Variants in CDON observed in about 807,000 individuals in gnomAD.
The protein encoded by CDON is cell adhesion associated, oncogene regulated.
Under a neutral mutation model 120.9 loss-of-function variants are expected in CDON, and 73 were observed. The ratio of observed to expected loss-of-function variants is 0.60; its 90% CI spans 0.50 to 0.73. The LOEUF (loss-of-function observed/expected upper bound fraction) is 0.73. CDON is among the 30% of genes least tolerant of loss of function. The pLI, the probability that CDON is intolerant of heterozygous loss-of-function variation, is 0.00. For missense variants in CDON, 1,470 were observed against 1,587.3 expected, an observed-to-expected ratio of 0.93 and a Z score of 1.26; for synonymous variants, 566 against 573.5, an observed-to-expected ratio of 0.99 and a Z score of 0.19.
intron 7 of CDON, among the ~76,000 whole-genome samples, chr11:126,011,389 A>G (rs1276436180): frequency 6.6e-6 from 1 of 152,186 alleles, no homozygotes; most frequent in African/African-American, 2.4e-5. Flanking sequence ...GACAAAACCA[A>G]CCAACAACTG....
intron 18 of CDON, among the ~76,000 whole-genome samples, chr11:125,971,248 T>G (rs1457281698): frequency 6.6e-6 from 1 of 151,956 alleles, no homozygotes; most frequent in East Asian, 1.9e-4. Flanking sequence ...CTGGGTGTGG[T>G]GGCGGGCACT....
At chr11:126,056,061 A>G (rs2134952254) in intron 1 of CDON, among the ~76,000 whole-genome samples, 1 of 152,304 alleles carries the variant, frequency 6.6e-6, no homozygotes, top group East Asian at 1.9e-4. Flanking sequence ...TATTTCATGG[A>G]ACCTCAGTCC....
chr11:126,051,217 C>T (rs1229593632), intron 1 of CDON, among the ~76,000 whole-genome samples: 2 of 152,166 alleles, frequency 1.3e-5, no homozygotes, highest in African/African-American at 2.4e-5. Context: ...TATTCACGTA[C>T]AGCTAAGGAA....
chr11:126,051,218 A>G (rs1948551069), intron 1 of CDON, among the ~76,000 whole-genome samples: 1 of 152,222 alleles, frequency 6.6e-6, no homozygotes, highest in Non-Finnish European at 1.5e-5. Context: ...ATTCACGTAC[A>G]GCTAAGGAAA....
rs762531926 is a variant in CDON at position 125,961,052 on chromosome 11, G to A, written c.3685C>T (p.Leu1229Phe). ...TEINIVSWNALILPPVPEGCA... is the reference protein window; with the variant it reads ...TEINIVSWNAFILPPVPEGCA... ...CCCTCGGGGACAGGTGGCAAAATAA[G>A]AGCATTCCAACTTACAATGTTGATC... The change falls in exon 20 of 20, where the codon CTT (leucine) becomes TTT (phenylalanine). Residue 1229 changes from leucine to phenylalanine, a missense_variant. Physicochemically the swap from Leu to Phe is conservative, Grantham distance 22 (BLOSUM62 0). Transcript: ENST00000531738. 2 of 1,613,984 alleles carry A rather than the reference G, an allele frequency of 1.2e-6. No individual in the cohort carries two copies. Among genetic ancestry groups the A allele is most frequent in the South Asian group, 1.1e-5 (1 of 90,996 alleles).
chr11:125,981,229 A>T lies in CDON; in HGVS notation c.3096T>A (p.Val1032=). 6.2e-7 allele frequency: 1 copy of T among 1,614,188 alleles called. No homozygotes were observed. Among genetic ancestry groups the T allele is most frequent in the Non-Finnish European group, 8.5e-7 (1 of 1,180,034 alleles). Residue 1032 remains valine (V), a synonymous_variant, in exon 17 of 20, where the codon GTT becomes GTA. Transcript: ENST00000531738. ...LSGASQINGN[V]HGGFLTNGGL... is the part of the protein sequence containing the mutation. ...CGCCATTGGTTAGGAAGCCTCCGTG[A>T]ACATTTCCATTTATCTGACTTGCTC... is the stretch of plus-strand genomic sequence containing the variant.
At chr11:126,023,255 GT>G in intron 2 of CDON, 145 bp downstream of exon 2, 1 of 772,414 alleles carries the variant, frequency 1.3e-6, no homozygotes, top group Non-Finnish European at 2.4e-6. Flanking sequence ...AATTTATCGA[GT>G]TTTTAAATCA....
chr11:125,982,681 G>C (rs1187938246), intron 16 of CDON, among the ~76,000 whole-genome samples: 5 of 152,204 alleles, frequency 3.3e-5, no homozygotes, highest in Non-Finnish European at 4.4e-5. Context: ...ACACCACCAT[G>C]AGAATTTTCC....
Position 125,960,457 on chromosome 11 carries a change from A to G in CDON, c.*485T>C, listed in dbSNP as rs1486738851. The G allele has an allele frequency of 6.1e-6, 1 of 163,896 alleles. No individual in the cohort carries two copies. The highest frequency in any genetic ancestry group is 1.3e-5 in the Non-Finnish European group (1 of 75,676). 10.2% of individuals were successfully genotyped at this position (163,896 alleles called of 1,614,324 possible). The stretch of plus-strand genomic sequence containing the variant: ...CAGTGAGCCAAGATCGAGCCATTGC[A>G]CTCCAGCCTGGATGACAGCAAGACT... On this transcript the variant is annotated 3_prime_UTR_variant, in exon 20 of 20. Coordinates refer to ENST00000531738, the MANE Select transcript of CDON (RefSeq NM_001378964.1).
intron 1 of CDON, among the ~76,000 whole-genome samples, chr11:126,048,550 C>T (rs1948466645): frequency 6.6e-6 from 1 of 152,126 alleles, no homozygotes; most frequent in South Asian, 2.1e-4. Context: ...CCAAAGACTT[C>T]CAAATAATTC....
At chr11:125,982,207 C>G (rs1477734028) in intron 16 of CDON, among the ~76,000 whole-genome samples, 5 of 151,872 alleles carry the variant, frequency 3.3e-5, no homozygotes, top group Non-Finnish European at 7.4e-5. Context: ...ATCTCCTGAC[C>G]TCGTGATCCG....
chr11:125,981,298 T>A lies in CDON; in HGVS notation c.3027A>T (p.Gly1009=), dbSNP rs777757506. ...CCACCATCTGCCCGTTCATATCTGATCCTTGGTAGAGATATCCTGGTGGGT... is the reference window on the plus strand; with the variant it reads ...CCACCATCTGCCCGTTCATATCTGAACCTTGGTAGAGATATCCTGGTGGGT... ...KYDPPGYLYQ[G]SDMNGQMVDY... The change falls in exon 17 of 20, where the codon GGA becomes GGT. Residue 1009 remains glycine (G), a synonymous_variant. Transcript: ENST00000531738. The A allele has an allele frequency of 2.5e-6, 4 of 1,613,908 alleles. No homozygotes were observed. The Admixed American group carries it at 5.0e-5, about 20-fold the overall frequency.
intron 1 of CDON, among the ~76,000 whole-genome samples, chr11:126,027,102 T>C (rs537255293): frequency 1.4e-3 from 218 of 152,304 alleles, no homozygotes; most frequent in African/African-American, 5.0e-3. Context: ...TCAGTTGATT[T>C]TGGAAGTTGG....
chr11:126,042,277 C>T (rs1948282815), intron 1 of CDON, among the ~76,000 whole-genome samples: 1 of 152,176 alleles, frequency 6.6e-6, no homozygotes. Context: ...CAGAGCTGCC[C>T]AAGAAAGACT....
rs759478713 is a variant in CDON at position 126,021,228 on chromosome 11, AG to A, written c.349+19del. The A allele has an allele frequency of 1.9e-5, 31 of 1,612,858 alleles. No individual in the cohort carries two copies. Among genetic ancestry groups the A allele is most frequent in the Non-Finnish European group, 2.5e-5 (30 of 1,179,500 alleles). ...AATTTCAAGAAAACCCATACCTAAC[AG>A]GGACAAAATTAAACTCACCTGCCAC... On this transcript the variant is annotated intron_variant, in intron 3 of 19. Coordinates refer to ENST00000531738, the MANE Select transcript of CDON (RefSeq NM_001378964.1).
chr11:126,044,745 G>A (rs1271286608), intron 1 of CDON, among the ~76,000 whole-genome samples: 1 of 152,096 alleles, frequency 6.6e-6, no homozygotes, highest in Non-Finnish European at 1.5e-5. Flanking sequence ...AGGCTCAGAA[G>A]GGCAGCAGGG....
intron 1 of CDON, among the ~76,000 whole-genome samples, chr11:126,032,332 T>G (rs903780182): frequency 6.6e-6 from 1 of 151,746 alleles, no homozygotes; most frequent in African/African-American, 2.4e-5. Context: ...AGGAAGGAAG[T>G]ATCTCAAGCA....
At chr11:125,980,228 T>C (rs1946258670) in intron 17 of CDON, among the ~76,000 whole-genome samples, 1 of 152,242 alleles carries the variant, frequency 6.6e-6, no homozygotes, top group South Asian at 2.1e-4. Flanking sequence ...GTCTAAAATA[T>C]GCTAGTCATT....
intron 18 of CDON, among the ~76,000 whole-genome samples, chr11:125,970,275 A>G (rs922810688): frequency 6.6e-6 from 1 of 151,194 alleles, no homozygotes; most frequent in Non-Finnish European, 1.5e-5. Flanking sequence ...CCCGGATTCA[A>G]GCAATTCTCC....
Sources: gnomAD v4.1 joint callset for allele counts (sites outside exome capture counted in the v4.1 genomes callset) on GRCh38, gnomAD v4.1.1 for gene constraint, MANE v1.5 for transcripts, NCBI Gene and HGNC (gene_info 2026-07-23, HGNC 2026-07-21) for gene names.